RASA3: variants seen among roughly 807,000 people sequenced by gnomAD.
RASA3 encodes ras GTPase-activating protein 3.
Under a neutral mutation model 110.0 loss-of-function variants are expected in RASA3, and 73 were observed. The ratio of observed to expected loss-of-function variants is 0.66; its 90% CI spans 0.55 to 0.81. The LOEUF is 0.81. RASA3 is among the 30% of genes least tolerant of loss of function. The pLI, the probability that RASA3 is intolerant of heterozygous loss-of-function variation, is 0.00. For synonymous variants in RASA3, 500 were observed against 451.4 expected (o/e 1.11, Z -1.37); for missense variants, 976 against 1,113.2 (o/e 0.88, Z 1.75).
intron 1 of RASA3, among the ~76,000 whole-genome samples, chr13:114,116,983 G>T (rs1368873511): frequency 1.4e-5 from 2 of 140,314 alleles, no homozygotes; most frequent in East Asian, 4.5e-4. Flanking sequence ...GAGCACGTGT[G>T]TGAGGGATGC....
rs111972201 is a variant in RASA3 at position 113,996,781 on chromosome 13, C to G, written c.1933-42G>C. 2.6e-6 allele frequency: 4 copies of G among 1,560,080 alleles called. No individual in the cohort carries two copies. The African/African-American group carries it at 4.1e-5, about 16-fold the overall frequency. On this transcript the variant is annotated intron_variant, in intron 20 of 23. Coordinates refer to ENST00000334062, the MANE Select transcript of RASA3 (RefSeq NM_007368.4). ...GCTCAGGACAGCGCACATGAGGTCT[C>G]GTGGCTGAGCACGTGCAAGAGTCCA... is the stretch of plus-strand genomic sequence containing the variant.
chr13:114,030,412 A>AGCAAGACTCACACAGAGG (rs2054130211), intron 4 of RASA3, among the ~76,000 whole-genome samples: 2 of 59,920 alleles, frequency 3.3e-5, no homozygotes, highest in African/African-American at 5.3e-5. Flanking sequence ...TCACGCAGAG[A>AGCAAGACTCACACAGAGG]GCAAGACTCA....
chr13:114,068,578 G>A (rs1156982916), intron 2 of RASA3, among the ~76,000 whole-genome samples: 2 of 152,166 alleles, frequency 1.3e-5, no homozygotes, highest in Non-Finnish European at 2.9e-5. Context: ...CTTGGGGAGC[G>A]GGGTCATCTC....
chr13:114,079,855 G>A (rs930738143), intron 1 of RASA3, among the ~76,000 whole-genome samples: 6 of 152,124 alleles, frequency 3.9e-5, no homozygotes, highest in Admixed American at 6.5e-5. Flanking sequence ...GGCACCCTCC[G>A]TGGGACGAGG....
intron 4 of RASA3, among the ~76,000 whole-genome samples, chr13:114,034,267 A>T (rs1233686791): frequency 1.3e-5 from 2 of 152,248 alleles, no homozygotes; most frequent in Non-Finnish European, 2.9e-5. Context: ...CCCCGTTCTC[A>T]AATGCCGGGC....
chr13:114,020,025 G>GC (rs1432129314), intron 9 of RASA3, among the ~76,000 whole-genome samples: 26 of 28,338 alleles, frequency 9.2e-4, no homozygotes, highest in African/African-American at 1.4e-3. Context: ...GGCATTAGCA[G>GC]CCCTGTCAGG....
At chr13:114,089,514 G>A (rs954732150) in intron 1 of RASA3, among the ~76,000 whole-genome samples, 2 of 151,860 alleles carry the variant, frequency 1.3e-5, no homozygotes, top group Admixed American at 6.6e-5. Flanking sequence ...ACTAAGGAAC[G>A]CCTTTAGCCC....
intron 2 of RASA3, among the ~76,000 whole-genome samples, chr13:114,068,712 A>G (rs1015559635): frequency 1.3e-5 from 2 of 152,222 alleles, no homozygotes; most frequent in African/African-American, 2.4e-5. Flanking sequence ...GGAAACAAAT[A>G]GTGGCTGCCC....
At position 114,048,155 on chromosome 13, in the gene RASA3, A is replaced by T. The variant is rs1031393029; in HGVS notation, c.277+3897T>A. On this transcript the variant is annotated intron_variant, in intron 3 of 23. Coordinates refer to ENST00000334062, the MANE Select transcript of RASA3 (RefSeq NM_007368.4). This position sits in a 1 kb window ranked among gnomAD's most constrained non-coding sequence, Gnocchi z 4.3. Reference sequence around the variant, plus strand: ...ACGGTGAAACCCCGTCTCTACTGAAAATACAAAAAATTAGCCGGGCGTGGT... The same window carrying T: ...ACGGTGAAACCCCGTCTCTACTGAATATACAAAAAATTAGCCGGGCGTGGT... 2.6e-5 allele frequency among the ~76,000 whole-genome samples: 4 copies of T among 152,072 alleles called. No homozygotes were observed. Among genetic ancestry groups the T allele is most frequent in the Non-Finnish European group, 5.9e-5 (4 of 68,002 alleles).
At position 114,014,057 on chromosome 13, in the gene RASA3, T is replaced by C. The variant is rs78341743; in HGVS notation, c.1406-809A>G. ...CCGTCTCTATCTCTCTCTCCGTCTG[T>C]CTCTGCCTCTCTCTCCGTCTGTCTC... is the stretch of plus-strand genomic sequence containing the variant. On this transcript the variant is annotated intron_variant, in intron 14 of 23. Transcript: ENST00000334062. The surrounding 1 kb of genome is among the most constrained non-coding windows in gnomAD (Gnocchi z 4.5). Among the ~76,000 whole-genome samples the C allele has an allele frequency of 0.026, 3,229 of 123,406 alleles. 137 individuals are homozygous for C. Among genetic ancestry groups the C allele is most frequent in the African/African-American group, 0.079 (3,009 of 38,174 alleles). The allele number at this position is 123,406 out of a possible 152,430, so 81.0% of individuals were successfully genotyped here. A position where few individuals can be genotyped will look rare whatever the true frequency, so the allele number is the denominator to read the frequency against.
intron 7 of RASA3, among the ~76,000 whole-genome samples, chr13:114,024,900 G>A (rs1431683901): frequency 2.6e-5 from 4 of 151,626 alleles, no homozygotes; most frequent in African/African-American, 7.3e-5. Flanking sequence ...TGACACCTCC[G>A]CACCGTGGGT....
chr13:114,077,716 TCCTC>T, intron 1 of RASA3: 1 of 810,712 alleles, frequency 1.2e-6, no homozygotes, highest in South Asian at 5.8e-5. Flanking sequence ...GGCACCGGGT[TCCTC>T]CCTCCCTGCC....
At chr13:114,130,663 C>T (rs889039394) in intron 1 of RASA3, among the ~76,000 whole-genome samples, 4 of 152,218 alleles carry the variant, frequency 2.6e-5, no homozygotes, top group Non-Finnish European at 4.4e-5. Flanking sequence ...ACTTCCCATG[C>T]CTTCTGTAAA....
chr13:113,997,089 C>A (rs997158566), intron 20 of RASA3, among the ~76,000 whole-genome samples: 6 of 152,214 alleles, frequency 3.9e-5, no homozygotes, highest in Non-Finnish European at 8.8e-5. Flanking sequence ...TGTGGCCTCC[C>A]CACAAGGCCC....
Position 114,096,832 on chromosome 13 carries a change from C to T in RASA3, c.56-22995G>A, listed in dbSNP as rs550191848. On this transcript the variant is annotated intron_variant, in intron 1 of 23. Transcript: ENST00000334062. This position sits in a 1 kb window ranked among gnomAD's most constrained non-coding sequence, Gnocchi z 5.1. Reference sequence around the variant, plus strand: ...AAGCAACGTCCGTCTGTGTCCAGGCCGATCTCGCTGCTCCCTCGGACGTAC... The same window carrying T: ...AAGCAACGTCCGTCTGTGTCCAGGCTGATCTCGCTGCTCCCTCGGACGTAC... Among the ~76,000 whole-genome samples, 7 of 152,184 alleles carry T rather than the reference C, an allele frequency of 4.6e-5. No individual in the cohort carries two copies. The highest frequency in any genetic ancestry group is 1.0e-4 in the Non-Finnish European group (7 of 68,026).
chr13:114,014,435 G>A lies in RASA3; in HGVS notation c.1405+774C>T, dbSNP rs1164564839. ...GTTTGTCTCCTGGGGACACAGAAGC[G>A]TGGACGGCTCTGCAGGACCATGGCC... On this transcript the variant is annotated intron_variant, in intron 14 of 23. Transcript: ENST00000334062. The surrounding 1 kb of genome is among the most constrained non-coding windows in gnomAD (Gnocchi z 4.5). 1.3e-5 allele frequency among the ~76,000 whole-genome samples: 2 copies of A among 152,284 alleles called. No individual in the cohort carries two copies. The highest frequency in any genetic ancestry group is 2.4e-5 in the African/African-American group (1 of 41,570).
intron 10 of RASA3, 149 bp from the exon 11 acceptor site, chr13:114,018,401 T>G: frequency 8.7e-7 from 1 of 1,146,550 alleles, no homozygotes; most frequent in Non-Finnish European, 1.2e-6. Context: ...AACACCAAAC[T>G]TCCCATTTGC....
chr13:113,992,345 G>T, intron 22 of RASA3, 140 bp downstream of exon 22: 1 of 598,592 alleles, frequency 1.7e-6, no homozygotes, highest in Non-Finnish European at 2.9e-6. Context: ...GCATCCATCC[G>T]TGCTACAAAG....
chr13:114,017,975 T>A, intron 11 of RASA3, 129 bp downstream of exon 11: 1 of 1,077,166 alleles, frequency 9.3e-7, no homozygotes, highest in Non-Finnish European at 1.3e-6. Context: ...AAAACCTGAA[T>A]CAACATGGTT....
Sources: allele counts gnomAD v4.1 joint callset (sites outside exome capture counted in the v4.1 genomes callset), GRCh38; gene constraint gnomAD v4.1.1; non-coding constraint Gnocchi (gnomAD v3.1); transcripts MANE v1.5; gene names NCBI Gene and HGNC (gene_info 2026-07-23, HGNC 2026-07-21).